LPAR3: variants seen among roughly 807,000 people sequenced by gnomAD.
LPAR3 encodes the protein lysophosphatidic acid receptor 3.
A neutral mutation model predicts 17.8 loss-of-function variants in LPAR3; 7 were observed. That is an observed-to-expected ratio of 0.39 (90% CI 0.22 to 0.74). LPAR3 has a LOEUF of 0.74. Ranked by LOEUF, LPAR3 falls within the 30% of genes least tolerant of loss-of-function variation. The pLI, the probability that LPAR3 is intolerant of heterozygous loss-of-function variation, is 0.40. For missense variants in LPAR3, 391 were observed against 453.4 expected (o/e 0.86, Z 1.25); for synonymous variants, 179 against 179.9 (o/e 0.99, Z 0.04).
chr1:84,841,413 C>A (rs903539483), intron 2 of LPAR3, among the ~76,000 whole-genome samples: 4 of 152,068 alleles, frequency 2.6e-5, no homozygotes, highest in African/African-American at 9.7e-5. Context: ...GGAGTTTGTC[C>A]TTTGGAGGAA....
At chr1:84,881,004 T>C (rs1384179439) in intron 1 of LPAR3, among the ~76,000 whole-genome samples, 7 of 152,258 alleles carry the variant, frequency 4.6e-5, no homozygotes, top group Admixed American at 4.6e-4. Context: ...CTGTTACTTG[T>C]CTTCAATTCT....
intron 2 of LPAR3, among the ~76,000 whole-genome samples, chr1:84,841,850 A>G (rs564367699): frequency 6.4e-4 from 97 of 152,314 alleles, no homozygotes; most frequent in Admixed American, 2.4e-3. Flanking sequence ...GACTTGAATG[A>G]TATAAGGGTT....
At chr1:84,872,203 T>C (rs992324062) in intron 1 of LPAR3, among the ~76,000 whole-genome samples, 5 of 152,190 alleles carry the variant, frequency 3.3e-5, no homozygotes, top group Non-Finnish European at 7.4e-5. Context: ...AATGAAGTAA[T>C]GCTTGTGCAC....
chr1:84,874,937 T>C (rs568840583), intron 1 of LPAR3, among the ~76,000 whole-genome samples: 48 of 150,400 alleles, frequency 3.2e-4, no homozygotes, highest in African/African-American at 1.1e-3. Context: ...TCTAGCTCTG[T>C]CACCCAGGCT....
intron 1 of LPAR3, among the ~76,000 whole-genome samples, chr1:84,878,186 G>C (rs10873662): frequency 0.011 from 1,702 of 152,180 alleles, 23 homozygotes; most frequent in African/African-American, 0.039. Flanking sequence ...TTTTTTTAAA[G>C]TATTCAATTT....
chr1:84,879,454 G>T (rs1199095265), intron 1 of LPAR3, among the ~76,000 whole-genome samples: 3 of 151,702 alleles, frequency 2.0e-5, no homozygotes, highest in Non-Finnish European at 4.4e-5. Context: ...TGGGACTACA[G>T]GTGCCCACCA....
intron 2 of LPAR3, among the ~76,000 whole-genome samples, chr1:84,821,514 T>C (rs956656675): frequency 6.6e-6 from 1 of 152,202 alleles, no homozygotes; most frequent in African/African-American, 2.4e-5. Flanking sequence ...TCAACTCCAG[T>C]CTGCATCAAA....
intron 1 of LPAR3, among the ~76,000 whole-genome samples, chr1:84,868,456 T>C (rs996775666): frequency 6.6e-5 from 10 of 152,182 alleles, no homozygotes; most frequent in Non-Finnish European, 1.2e-4. Context: ...GAGAGTTAAA[T>C]ACAAGGTGCT....
chr1:84,833,461 G>C (rs540657092), intron 2 of LPAR3, among the ~76,000 whole-genome samples: 1 of 152,136 alleles, frequency 6.6e-6, no homozygotes, highest in South Asian at 2.1e-4. Flanking sequence ...AGGACTGAGC[G>C]AGAGAATGGA....
chr1:84,888,599 C>T lies in LPAR3; in HGVS notation c.-19+4417G>A, dbSNP rs541889084. Among the ~76,000 whole-genome samples, 11 of 152,304 alleles carry T rather than the reference C, an allele frequency of 7.2e-5. No homozygotes were observed. In the East Asian group the frequency reaches 9.6e-4, roughly 13 times the overall value. On this transcript the variant is annotated intron_variant, in intron 1 of 2. Transcript: ENST00000370611. ...CAGAATTTCTACAGAGGATGTGCTT[C>T]GGGATAGCTTGGCTTAAAAGGGGAG...
chr1:84,857,619 A>C (rs1164467565), intron 2 of LPAR3, among the ~76,000 whole-genome samples: 1 of 152,228 alleles, frequency 6.6e-6, no homozygotes, highest in Non-Finnish European at 1.5e-5. Flanking sequence ...CTAAATGTTG[A>C]AAGAGCATGT....
Position 84,824,799 on chromosome 1 carries a change from CAT to C in LPAR3, c.737-10630_737-10629del, listed in dbSNP as rs1193105019. 2.6e-5 allele frequency among the ~76,000 whole-genome samples: 4 copies of C among 152,330 alleles called. No individual in the cohort carries two copies. The East Asian group carries it at 5.8e-4, about 22-fold the overall frequency. On this transcript the variant is annotated intron_variant, in intron 2 of 2. Transcript: ENST00000370611. ...TTTCAGTTGCTGCTGTGTGCCCACA[CAT>C]GTGTGCGCACACAATTTCTCACACT... is the stretch of plus-strand genomic sequence containing the variant.
At chr1:84,873,754 G>GTTTTTTTT (rs774761348) in intron 1 of LPAR3, among the ~76,000 whole-genome samples, 1 of 137,530 alleles carries the variant, frequency 7.3e-6, no homozygotes, top group Non-Finnish European at 1.5e-5. Context: ...TGTTTTGCTT[G>GTTTTTTTT]TTTGTTTTTT....
At position 84,813,365 on chromosome 1, in the gene LPAR3, A is replaced by T. The variant is rs2102741731; in HGVS notation, c.*481T>A. The stretch of plus-strand genomic sequence containing the variant: ...TTTGATTCCTACTGAACACCTAGCT[A>T]CTGGCCATGGTTTCTTTGAGGAAAA... On this transcript the variant is annotated 3_prime_UTR_variant, in exon 3 of 3. Transcript: ENST00000370611. 6.5e-6 allele frequency: 1 copy of T among 152,684 alleles called. No homozygotes were observed. Among genetic ancestry groups the T allele is most frequent in the East Asian group, 1.9e-4 (1 of 5,184 alleles). 9.5% of individuals were successfully genotyped at this position (152,684 alleles called of 1,614,324 possible).
At chr1:84,844,697 A>G (rs925575281) in intron 2 of LPAR3, among the ~76,000 whole-genome samples, 18 of 152,204 alleles carry the variant, frequency 1.2e-4, no homozygotes, top group Non-Finnish European at 2.2e-4. Flanking sequence ...CAGACATGAA[A>G]AAATATTCGT....
At chr1:84,821,798 A>G (rs1001266263) in intron 2 of LPAR3, among the ~76,000 whole-genome samples, 2 of 152,164 alleles carry the variant, frequency 1.3e-5, no homozygotes, top group African/African-American at 4.8e-5. Context: ...GACCTGATGA[A>G]TATTTGGATC....
Position 84,813,750 on chromosome 1 carries a change from A to G in LPAR3, c.*96T>C, listed in dbSNP as rs1295201420. ...CTAGCAGTGATTAATGGAGACCTCAAATAACACTGTACATGGGCTTTGTTA... is the reference window on the plus strand; with the variant it reads ...CTAGCAGTGATTAATGGAGACCTCAGATAACACTGTACATGGGCTTTGTTA... On this transcript the variant is annotated 3_prime_UTR_variant, in exon 3 of 3. Coordinates refer to ENST00000370611, the MANE Select transcript of LPAR3 (RefSeq NM_012152.3). 2 of 1,044,674 alleles carry G rather than the reference A, an allele frequency of 1.9e-6. No individual in the cohort carries two copies. The highest frequency in any genetic ancestry group is 1.6e-5 in the African/African-American group (1 of 62,340). 64.7% of individuals were successfully genotyped at this position (1,044,674 alleles called of 1,614,324 possible). A position where few individuals can be genotyped will look rare whatever the true frequency, so the allele number is the denominator to read the frequency against.
In LPAR3 at chr1:84,865,839, T is replaced by C. The variant is rs771028188; in HGVS notation, c.282A>G (p.Ser94=). ...ACCAGCGGTTGACAGTCAAAGTTTT[T>C]GAAACTGGGCCTGTGTTAAACATCA... is the stretch of plus-strand genomic sequence containing the variant. ...VFLMFNTGPV[S]KTLTVNRWFL... is the part of the protein sequence containing the mutation. The change falls in exon 2 of 3, where the codon TCA becomes TCG. Residue 94 remains serine (S), a synonymous_variant. Coordinates refer to ENST00000370611, the MANE Select transcript of LPAR3 (RefSeq NM_012152.3). 1.2e-6 allele frequency: 2 copies of C among 1,614,070 alleles called. No homozygotes were observed.
chr1:84,847,984 C>T (rs1023559465), intron 2 of LPAR3, among the ~76,000 whole-genome samples: 1 of 152,196 alleles, frequency 6.6e-6, no homozygotes. Flanking sequence ...GTGGGAACTG[C>T]AGTTTTGCCC....
Sources: allele counts gnomAD v4.1 joint callset (sites outside exome capture counted in the v4.1 genomes callset), GRCh38; gene constraint gnomAD v4.1.1; transcripts MANE v1.5; gene names NCBI Gene and HGNC (gene_info 2026-07-23, HGNC 2026-07-21).